The following POC1A variants were observed in gnomAD, a reference collection of about 807,000 sequenced individuals.
POC1A encodes POC1 centriolar protein A.
A neutral mutation model predicts 47.8 loss-of-function variants in POC1A; 34 were observed. The observed-to-expected ratio is 0.71, with a 90% CI of 0.54 to 0.95. The LOEUF is 0.95. Among genes scored for constraint, POC1A ranks in the 40% least tolerant of loss-of-function variants. The pLI is 0.00. For missense variants in POC1A, 466 were observed against 528.3 expected (o/e 0.88, Z 1.16); for synonymous variants, 177 against 207.6 (o/e 0.85, Z 1.27).
intron 9 of POC1A, among the ~76,000 whole-genome samples, chr3:52,105,525 C>T (rs141549510): frequency 9.2e-5 from 14 of 152,322 alleles, no homozygotes; most frequent in Middle Eastern, 3.4e-3. Context: ...CTCAGCCTCA[C>T]GTCCATCTTC....
chr3:52,121,560 C>T (rs1256266184), intron 9 of POC1A, among the ~76,000 whole-genome samples: 1 of 152,210 alleles, frequency 6.6e-6, no homozygotes, highest in African/African-American at 2.4e-5. Context: ...CCAGGATAGA[C>T]TCAGGAGGCT....
At chr3:52,095,438 T>A (rs2106969103) in intron 10 of POC1A, among the ~76,000 whole-genome samples, 1 of 152,332 alleles carries the variant, frequency 6.6e-6, no homozygotes, top group East Asian at 1.9e-4. Context: ...TACCATGCCA[T>A]CTCAGCTCCA....
At chr3:52,145,988 T>C in intron 5 of POC1A, 27 bp from the exon 6 acceptor site, 1 of 1,395,832 alleles carries the variant, frequency 7.2e-7, no homozygotes, top group Non-Finnish European at 1.0e-6. Context: ...CACTATGCAC[T>C]ATAGGAGGTC....
Position 52,084,375 on chromosome 3 carries a change from G to T in POC1A, c.1126-8390C>A, listed in dbSNP as rs183482209. ...GCCGTAACTTCTCCAAAACTGAGGAGTTGTGGGACACTCACGACCCGCCTT... is the reference window on the plus strand; with the variant it reads ...GCCGTAACTTCTCCAAAACTGAGGATTTGTGGGACACTCACGACCCGCCTT... On this transcript the variant is annotated intron_variant, in intron 10 of 10. Coordinates refer to ENST00000296484, the MANE Select transcript of POC1A (RefSeq NM_015426.5). This position sits in a 1 kb window ranked among gnomAD's most constrained non-coding sequence, Gnocchi z 4.3. Among the ~76,000 whole-genome samples, 654 of 152,312 alleles carry T rather than the reference G, an allele frequency of 4.3e-3. 5 individuals carry two copies. Among genetic ancestry groups the T allele is most frequent in the Non-Finnish European group, 4.7e-3 (323 of 68,032 alleles).
At chr3:52,134,154 G>A (rs1473567354) in intron 7 of POC1A, among the ~76,000 whole-genome samples, 1 of 152,166 alleles carries the variant, frequency 6.6e-6, no homozygotes, top group Non-Finnish European at 1.5e-5. Context: ...GAGTTACATG[G>A]ATCTCATGAA....
rs550934396 is a variant in POC1A at position 52,091,685 on chromosome 3, C to T, written c.1125+4884G>A. Among the ~76,000 whole-genome samples, 23 of 152,322 alleles carry T rather than the reference C, an allele frequency of 1.5e-4. 1 individual carries two copies. Among genetic ancestry groups the T allele is most frequent in the Admixed American group, 1.5e-3 (23 of 15,304 alleles). ...AAGCATTTCTGGGACTTGAGTCCAGCGGTATGGGGACTGTGGAATGTCCAC... is the reference window on the plus strand; with the variant it reads ...AAGCATTTCTGGGACTTGAGTCCAGTGGTATGGGGACTGTGGAATGTCCAC... On this transcript the variant is annotated intron_variant, in intron 10 of 10. Coordinates refer to ENST00000296484, the MANE Select transcript of POC1A (RefSeq NM_015426.5).
intron 9 of POC1A, among the ~76,000 whole-genome samples, chr3:52,099,002 T>TGA (rs1702908797): frequency 6.6e-6 from 1 of 152,180 alleles, no homozygotes; most frequent in East Asian, 1.9e-4. Flanking sequence ...TTCCCGGACA[T>TGA]GAGACAGCCT....
intron 5 of POC1A, among the ~76,000 whole-genome samples, chr3:52,146,499 G>A (rs1272634327): frequency 6.6e-6 from 1 of 152,200 alleles, no homozygotes; most frequent in Non-Finnish European, 1.5e-5. Context: ...CAGAAGCTGG[G>A]GTCTCTACTC....
intron 10 of POC1A, among the ~76,000 whole-genome samples, chr3:52,082,220 G>C (rs11707129): frequency 0.57 from 86,708 of 151,970 alleles, 25,402 homozygotes; most frequent in South Asian, 0.7. Context: ...ACCCACAAGG[G>C]CCCTGCAGGC....
At chr3:52,095,811 G>A (rs534696130) in intron 10 of POC1A, among the ~76,000 whole-genome samples, 6 of 152,310 alleles carry the variant, frequency 3.9e-5, no homozygotes, top group East Asian at 1.9e-4. Context: ...TTCCTCCCTC[G>A]GGTGAAATGG....
intron 9 of POC1A, among the ~76,000 whole-genome samples, chr3:52,111,651 T>TA: frequency 1.2e-5 from 1 of 86,028 alleles, no homozygotes; most frequent in Non-Finnish European, 2.4e-5. Flanking sequence ...TGTCTCAAAA[T>TA]TAAAAAAAAA....
chr3:52,132,792 C>T (rs759349773), intron 7 of POC1A, among the ~76,000 whole-genome samples: 3 of 152,148 alleles, frequency 2.0e-5, no homozygotes, highest in Non-Finnish European at 2.9e-5. Context: ...CGCCTGTAAT[C>T]CCAGCACTTT....
At chr3:52,136,327 C>T (rs1207424077) in intron 7 of POC1A, among the ~76,000 whole-genome samples, 1 of 152,130 alleles carries the variant, frequency 6.6e-6, no homozygotes, top group Non-Finnish European at 1.5e-5. Context: ...GGCCTACCCA[C>T]CTTCACCTGC....
intron 9 of POC1A, among the ~76,000 whole-genome samples, chr3:52,101,103 A>C (rs2106994397): frequency 6.6e-6 from 1 of 151,786 alleles, no homozygotes; most frequent in Admixed American, 6.6e-5. Flanking sequence ...AAAAAAAAAA[A>C]AAAAAAATAT....
chr3:52,153,605 T>A (rs1159515832), intron 1 of POC1A, among the ~76,000 whole-genome samples: 2 of 152,198 alleles, frequency 1.3e-5, no homozygotes. Flanking sequence ...CAAGTTCAGG[T>A]CCACCCCTGA....
Position 52,122,495 on chromosome 3 carries a change from C to T in POC1A, c.883-18G>A, listed in dbSNP as rs755003532. On this transcript the variant is annotated intron_variant, in intron 8 of 10. Coordinates refer to ENST00000296484, the MANE Select transcript of POC1A (RefSeq NM_015426.5). Reference sequence around the variant, plus strand: ...ACCATCACCTGCCAAAACCAACAGGCACACCAAGTCAGGAGAAGAAAATCC... The same window carrying T: ...ACCATCACCTGCCAAAACCAACAGGTACACCAAGTCAGGAGAAGAAAATCC... 6 of 1,450,526 alleles carry T rather than the reference C, an allele frequency of 4.1e-6. No individual in the cohort carries two copies. Among genetic ancestry groups the T allele is most frequent in the South Asian group, 1.1e-5 (1 of 87,770 alleles). The allele number at this position is 1,450,526 out of a possible 1,614,324, so 89.9% of individuals were successfully genotyped here. A position where few individuals can be genotyped will look rare whatever the true frequency, so the allele number is the denominator to read the frequency against.
In POC1A at chr3:52,147,070, C is replaced by G. The variant is rs1302122519; in HGVS notation, c.481G>C (p.Val161Leu). The part of the protein sequence containing the change: ...AKFSPDGRLI[V>L]SASDDKTVKL... ...ACAGTCTTGTCATCACTGGCAGACA[C>G]GATGAGCCGCCCGTCGGGGGAGAAC... Residue 161 changes from valine (V) to leucine (L), a missense_variant, in exon 5 of 11, where the codon GTG (valine) becomes CTG (leucine). Physicochemically the swap from Val to Leu is conservative, Grantham distance 32 (BLOSUM62 1). Transcript: ENST00000296484. 1 of 1,614,066 alleles carries G rather than the reference C, an allele frequency of 6.2e-7. No homozygotes were observed. Among genetic ancestry groups the G allele is most frequent in the South Asian group, 1.1e-5 (1 of 91,080 alleles).
intron 6 of POC1A, among the ~76,000 whole-genome samples, chr3:52,139,929 GA>G (rs1698132179): frequency 6.6e-6 from 1 of 152,158 alleles, no homozygotes; most frequent in African/African-American, 2.4e-5. Context: ...GCCTTCTGAG[GA>G]AAACCCCAGT....
At chr3:52,101,856 GA>G (rs1467074296) in intron 9 of POC1A, among the ~76,000 whole-genome samples, 1 of 151,910 alleles carries the variant, frequency 6.6e-6, no homozygotes, top group African/African-American at 2.4e-5. Context: ...TTCTGGAGGG[GA>G]AAAAAAGGTC....
Sources: allele counts gnomAD v4.1 joint callset (sites outside exome capture counted in the v4.1 genomes callset), GRCh38; gene constraint gnomAD v4.1.1; non-coding constraint Gnocchi (gnomAD v3.1); transcripts MANE v1.5; gene names NCBI Gene and HGNC (gene_info 2026-07-23, HGNC 2026-07-21).